KDM4C: variants seen among roughly 807,000 people sequenced by gnomAD.
The protein encoded by KDM4C is lysine demethylase 4C.
KDM4C carries 81 observed loss-of-function variants against 129.3 expected under a neutral mutation model. That is an observed-to-expected ratio of 0.63 (90% CI 0.52 to 0.75). The LOEUF is 0.75. KDM4C is among the 30% of genes least tolerant of loss of function. The pLI, the probability that KDM4C is intolerant of heterozygous loss-of-function variation, is 0.00. For missense variants in KDM4C, 1,457 were observed against 1,304.0 expected (o/e 1.12, Z -1.81); for synonymous variants, 573 against 456.1 (o/e 1.26, Z -3.26).
At chr9:7,155,506 C>A (rs1057083441) in intron 19 of KDM4C, among the ~76,000 whole-genome samples, 3 of 152,128 alleles carry the variant, frequency 2.0e-5, no homozygotes, top group African/African-American at 7.2e-5. Flanking sequence ...ATCCCTCCCG[C>A]ATCCCCCCAC....
intron 8 of KDM4C, among the ~76,000 whole-genome samples, chr9:6,973,341 A>G (rs1272108698): frequency 6.6e-6 from 1 of 152,154 alleles, no homozygotes; most frequent in Non-Finnish European, 1.5e-5. Context: ...CACTGCACCC[A>G]GCCCCTGACC....
chr9:7,022,637 C>CTTTT (rs375675040), intron 15 of KDM4C, among the ~76,000 whole-genome samples: 32,569 of 133,308 alleles, frequency 0.24, 4,487 homozygotes, highest in South Asian at 0.41. Flanking sequence ...CCCTTTATTT[C>CTTTT]TTTTTTTTTT....
At chr9:6,740,263 A>G (rs1454740211) in intron 1 of KDM4C, among the ~76,000 whole-genome samples, 3 of 145,908 alleles carry the variant, frequency 2.1e-5, no homozygotes, top group Admixed American at 6.8e-5. Context: ...GAGTGCAGTG[A>G]TGCAATCTCG....
chr9:6,951,575 C>G (rs1009496555), intron 8 of KDM4C, among the ~76,000 whole-genome samples: 1 of 152,178 alleles, frequency 6.6e-6, no homozygotes, highest in African/African-American at 2.4e-5. Context: ...TATTGAGTAT[C>G]TCTTGTAACC....
chr9:6,794,493 G>C (rs1827346887), intron 2 of KDM4C, among the ~76,000 whole-genome samples: 1 of 152,146 alleles, frequency 6.6e-6, no homozygotes, highest in South Asian at 2.1e-4. Context: ...AGATATGGTG[G>C]CTGTTTGTTT....
At chr9:7,142,626 G>T (rs547561039) in intron 19 of KDM4C, among the ~76,000 whole-genome samples, 2 of 152,258 alleles carry the variant, frequency 1.3e-5, no homozygotes, top group South Asian at 4.1e-4. Flanking sequence ...ACTAACTTTG[G>T]TAGATAAAAT....
intron 8 of KDM4C, among the ~76,000 whole-genome samples, chr9:6,936,522 A>G (rs900408610): frequency 6.6e-6 from 1 of 152,214 alleles, no homozygotes; most frequent in Non-Finnish European, 1.5e-5. Context: ...TAAATTAGGT[A>G]ATACTATTTT....
chr9:6,963,467 C>T (rs1365758402), intron 8 of KDM4C, among the ~76,000 whole-genome samples: 2 of 152,146 alleles, frequency 1.3e-5, no homozygotes, highest in Admixed American at 6.5e-5. Context: ...TAGTATCGTG[C>T]CGCATATTCA....
chr9:6,919,247 T>TTTCTTTCTTTCTTTCTTTCC, intron 8 of KDM4C, among the ~76,000 whole-genome samples: 9 of 106,292 alleles, frequency 8.5e-5, no homozygotes, highest in African/African-American at 2.2e-4. Flanking sequence ...TCTTTCTTTC[T>TTTCTTTCTTTCTTTCTTTCC]TTTCTTTCTT....
At chr9:6,955,704 C>T (rs910212580) in intron 8 of KDM4C, among the ~76,000 whole-genome samples, 10 of 152,156 alleles carry the variant, frequency 6.6e-5, no homozygotes, top group African/African-American at 2.4e-4. Context: ...CTTTTGGCTC[C>T]TTGCCACATT....
chr9:6,751,506 C>A (rs10975819), intron 1 of KDM4C, among the ~76,000 whole-genome samples: 1 of 151,950 alleles, frequency 6.6e-6, no homozygotes, highest in Admixed American at 6.6e-5. Context: ...TAGCTGATCT[C>A]TTGATGGAAG....
chr9:7,026,247 T>G (rs1353266749), intron 15 of KDM4C, among the ~76,000 whole-genome samples: 1 of 151,992 alleles, frequency 6.6e-6, no homozygotes, highest in Non-Finnish European at 1.5e-5. Flanking sequence ...CCTTTAGCAT[T>G]TATTGTAGGA....
At chr9:6,749,350 T>C (rs1248073833) in intron 1 of KDM4C, among the ~76,000 whole-genome samples, 2 of 152,102 alleles carry the variant, frequency 1.3e-5, no homozygotes, top group African/African-American at 2.4e-5. Context: ...AGGATATCAA[T>C]AGAAGTTTCA....
chr9:6,735,446 C>G (rs1817497767), intron 1 of KDM4C, among the ~76,000 whole-genome samples: 1 of 152,140 alleles, frequency 6.6e-6, no homozygotes, highest in South Asian at 2.1e-4. Flanking sequence ...AATTGTAACT[C>G]CCATAATTCC....
rs533022926 is a variant in KDM4C, at chr9:6,891,090, A to C, written c.784-2005A>C. Among the ~76,000 whole-genome samples, 19 of 152,324 alleles carry C rather than the reference A, an allele frequency of 1.2e-4. No individual in the cohort carries two copies. The East Asian group carries it at 1.9e-3, about 15-fold the overall frequency. On this transcript the variant is annotated intron_variant, in intron 7 of 21. Transcript: ENST00000381309. Reference sequence around the variant, plus strand: ...CATCCATAACATGGCAAAGCTAATCAGTGGTGAAAGGTATCAGAAGAGTGA... The same window carrying C: ...CATCCATAACATGGCAAAGCTAATCCGTGGTGAAAGGTATCAGAAGAGTGA...
chr9:6,853,110 G>C (rs1839157445), intron 5 of KDM4C, among the ~76,000 whole-genome samples: 1 of 151,968 alleles, frequency 6.6e-6, no homozygotes, highest in Non-Finnish European at 1.5e-5. Context: ...GCCCTGTAAA[G>C]AATTGTTGTA....
At chr9:6,987,728 T>G (rs1201774889) in intron 11 of KDM4C, among the ~76,000 whole-genome samples, 1 of 152,222 alleles carries the variant, frequency 6.6e-6, no homozygotes, top group Admixed American at 6.5e-5. Flanking sequence ...GTGTTTATCT[T>G]TTTATGTAGA....
chr9:6,868,325 C>A (rs376016563), intron 5 of KDM4C, among the ~76,000 whole-genome samples: 4 of 152,124 alleles, frequency 2.6e-5, no homozygotes, highest in African/African-American at 7.2e-5. Flanking sequence ...AATATCCTCA[C>A]GTGAAGAGAG....
At chr9:6,939,972 ACCTACCTTCCTTCCTTCCTT>A (rs1339568217) in intron 8 of KDM4C, among the ~76,000 whole-genome samples, 2 of 106,552 alleles carry the variant, frequency 1.9e-5, no homozygotes, top group African/African-American at 6.9e-5. Context: ...CTACCTACCT[ACCTACCTTCCTTCCTTCCTT>A]CCTTCCTTCC....
Sources: gnomAD v4.1 joint callset for allele counts (sites outside exome capture counted in the v4.1 genomes callset) on GRCh38, gnomAD v4.1.1 for gene constraint, MANE v1.5 for transcripts, NCBI Gene and HGNC (gene_info 2026-07-23, HGNC 2026-07-21) for gene names.